The following ASIC2 variants were observed in gnomAD, a reference collection of about 807,000 sequenced individuals.
The protein encoded by ASIC2 is acid-sensing ion channel 2.
Under a neutral mutation model 57.3 loss-of-function variants are expected in ASIC2, and 25 were observed. The ratio of observed to expected loss-of-function variants is 0.44; its 90% CI spans 0.32 to 0.61. The LOEUF is 0.61. Among genes scored for constraint, ASIC2 ranks in the 20% least tolerant of loss-of-function variants. The pLI, the probability that ASIC2 is intolerant of heterozygous loss-of-function variation, is 0.06. For missense variants in ASIC2, 641 were observed against 738.1 expected (o/e 0.87, Z 1.52); for synonymous variants, 319 against 307.5 (o/e 1.04, Z -0.39).
chr17:33,018,572 G>A (rs1253360747), intron 7 of ASIC2, among the ~76,000 whole-genome samples: 2 of 152,222 alleles, frequency 1.3e-5, no homozygotes, highest in Non-Finnish European at 2.9e-5. Context: ...GGGGTTCTGA[G>A]TCCTCAAAAG....
At chr17:33,321,208 A>C (rs1420030334) in intron 1 of ASIC2, among the ~76,000 whole-genome samples, 1 of 152,236 alleles carries the variant, frequency 6.6e-6, no homozygotes, top group Admixed American at 6.5e-5. Context: ...TATTAGTTGA[A>C]TAAATACGTG....
At chr17:33,593,041 C>A (rs1904872376) in intron 1 of ASIC2, among the ~76,000 whole-genome samples, 1 of 152,158 alleles carries the variant, frequency 6.6e-6, no homozygotes, top group South Asian at 2.1e-4. Flanking sequence ...CTATTTTTAC[C>A]TGCAAAGTAG....
At chr17:33,980,946 T>TTC (rs2142004076) in intron 1 of ASIC2, 1 of 146,226 alleles carries the variant, frequency 6.8e-6, no homozygotes, top group East Asian at 2.1e-4. Context: ...AGTGTAATTT[T>TTC]TTTTTTTTTA....
intron 1 of ASIC2, among the ~76,000 whole-genome samples, chr17:33,840,623 G>A (rs750753548): frequency 4.6e-5 from 7 of 152,160 alleles, no homozygotes; most frequent in Admixed American, 1.3e-4. Context: ...ACTCCAAGTG[G>A]AAAATTGAGA....
chr17:33,979,719 T>G (rs1905542952), intron 1 of ASIC2, among the ~76,000 whole-genome samples: 1 of 152,130 alleles, frequency 6.6e-6, no homozygotes, highest in Non-Finnish European at 1.5e-5. Flanking sequence ...AAGTACAAAT[T>G]CAGGAATGCT....
intron 1 of ASIC2, among the ~76,000 whole-genome samples, chr17:33,227,762 A>G (rs1047645802): frequency 6.6e-6 from 1 of 152,226 alleles, no homozygotes; most frequent in African/African-American, 2.4e-5. Flanking sequence ...TTAACAGATA[A>G]AGAAACTGAA....
intron 1 of ASIC2, among the ~76,000 whole-genome samples, chr17:33,540,977 T>G (rs371306745): frequency 7.9e-5 from 12 of 152,330 alleles, no homozygotes; most frequent in Middle Eastern, 3.4e-3. Context: ...ATTTTCATCT[T>G]CTTAAAAAGA....
chr17:33,585,079 A>G (rs1904577082), intron 1 of ASIC2, among the ~76,000 whole-genome samples: 1 of 152,178 alleles, frequency 6.6e-6, no homozygotes, highest in African/African-American at 2.4e-5. Flanking sequence ...CCTCCAGCCT[A>G]GAGATTAAAC....
chr17:33,197,984 C>T (rs1906705234), intron 1 of ASIC2, among the ~76,000 whole-genome samples: 1 of 152,200 alleles, frequency 6.6e-6, no homozygotes, highest in Non-Finnish European at 1.5e-5. Flanking sequence ...AGTGGGGAAC[C>T]TGGCTCCTGG....
chr17:34,095,575 C>A (rs1910487522), intron 1 of ASIC2, among the ~76,000 whole-genome samples: 1 of 134,934 alleles, frequency 7.4e-6, no homozygotes, highest in Admixed American at 7.7e-5. Context: ...AGGAACCAGC[C>A]AAGGGAAGAG....
chr17:33,438,571 C>T (rs1289873565), intron 1 of ASIC2, among the ~76,000 whole-genome samples: 1 of 152,108 alleles, frequency 6.6e-6, no homozygotes, highest in Non-Finnish European at 1.5e-5. Flanking sequence ...ACCCATTTGT[C>T]TCGGTGATTA....
At chr17:33,049,564 CA>C (rs1240748705) in intron 3 of ASIC2, among the ~76,000 whole-genome samples, 1 of 152,142 alleles carries the variant, frequency 6.6e-6, no homozygotes, top group Non-Finnish European at 1.5e-5. Context: ...ATGAGATACA[CA>C]GCAAATGGAC....
chr17:33,298,845 T>G (rs1905830475), intron 1 of ASIC2, among the ~76,000 whole-genome samples: 1 of 152,168 alleles, frequency 6.6e-6, no homozygotes. Flanking sequence ...CACAATTGCT[T>G]CAAAGCGAAT....
At chr17:33,132,079 C>G (rs2092348348) in intron 1 of ASIC2, among the ~76,000 whole-genome samples, 2 of 152,150 alleles carry the variant, frequency 1.3e-5, no homozygotes. Flanking sequence ...TCAATGCTAC[C>G]TGCACTGGGT....
chr17:33,722,976 T>C (rs182519475), intron 1 of ASIC2, among the ~76,000 whole-genome samples: 6 of 152,016 alleles, frequency 3.9e-5, no homozygotes, highest in Admixed American at 1.3e-4. Context: ...TGCCAGGAGG[T>C]GAGTAAAACC....
chr17:33,705,173 A>C (rs1021988152), intron 1 of ASIC2, among the ~76,000 whole-genome samples: 1 of 152,204 alleles, frequency 6.6e-6, no homozygotes. Context: ...AGCATTTTAC[A>C]TGAGTAATGT....
At chr17:33,318,995 A>G (rs1906763196) in intron 1 of ASIC2, among the ~76,000 whole-genome samples, 1 of 152,298 alleles carries the variant, frequency 6.6e-6, no homozygotes, top group South Asian at 2.1e-4. Context: ...ATTAAAAACT[A>G]TGCTCACGCC....
intron 1 of ASIC2, among the ~76,000 whole-genome samples, chr17:33,784,456 T>C (rs1454870759): frequency 1.3e-5 from 2 of 152,194 alleles, no homozygotes; most frequent in Non-Finnish European, 2.9e-5. Flanking sequence ...TGACCATTGC[T>C]ACCTCCTAGG....
At chr17:33,865,759 T>TAAAAAAAAAAAAAAAAAAAAA (rs61218521) in intron 1 of ASIC2, among the ~76,000 whole-genome samples, 7 of 122,094 alleles carry the variant, frequency 5.7e-5, no homozygotes, top group African/African-American at 9.4e-5. Context: ...AAAAAAAAAA[T>TAAAAAAAAAAAAAAAAAAAAA]AAAAAAAAAA....
Sources: gnomAD v4.1 joint callset for allele counts (sites outside exome capture counted in the v4.1 genomes callset) on GRCh38, gnomAD v4.1.1 for gene constraint, MANE v1.5 for transcripts, NCBI Gene and HGNC (gene_info 2026-07-23, HGNC 2026-07-21) for gene names.